The following TMEM245 variants were observed in gnomAD, a reference collection of about 807,000 sequenced individuals.
TMEM245 encodes the protein protein CG-2.
A neutral mutation model predicts 101.2 loss-of-function variants in TMEM245; 69 were observed. That is an observed-to-expected ratio of 0.68 (90% CI 0.56 to 0.83). The LOEUF is 0.83. Ranked by LOEUF, TMEM245 falls within the 40% of genes least tolerant of loss-of-function variation. The pLI, the probability that TMEM245 is intolerant of heterozygous loss-of-function variation, is 0.00. For missense variants in TMEM245, 1,075 were observed against 1,092.8 expected (o/e 0.98, Z 0.23); for synonymous variants, 537 against 449.8 (o/e 1.19, Z -2.45).
At chr9:109,086,949 T>C (rs1327006223) in intron 6 of TMEM245, among the ~76,000 whole-genome samples, 1 of 152,190 alleles carries the variant, frequency 6.6e-6, no homozygotes, top group Non-Finnish European at 1.5e-5. Context: ...AGAAAATCCA[T>C]TTCTCCCATT....
At chr9:109,055,480 T>C (rs1022095634) in intron 12 of TMEM245, among the ~76,000 whole-genome samples, 5 of 152,140 alleles carry the variant, frequency 3.3e-5, no homozygotes, top group East Asian at 1.9e-4. Flanking sequence ...AAACAAACTT[T>C]AAAGAAACTC....
intron 8 of TMEM245, among the ~76,000 whole-genome samples, chr9:109,077,556 C>A (rs986413183): frequency 1.3e-5 from 2 of 152,154 alleles, no homozygotes; most frequent in African/African-American, 4.8e-5. Context: ...TTGTTTATTT[C>A]TCCTTTTAAT....
intron 14 of TMEM245, among the ~76,000 whole-genome samples, chr9:109,048,327 T>C (rs916928544): frequency 3.3e-5 from 5 of 152,148 alleles, no homozygotes; most frequent in African/African-American, 7.2e-5. Flanking sequence ...ATGCATCCTG[T>C]TTGAATGTAA....
At chr9:109,067,657 A>C (rs950342641) in intron 9 of TMEM245, among the ~76,000 whole-genome samples, 8 of 152,172 alleles carry the variant, frequency 5.3e-5, no homozygotes, top group African/African-American at 9.7e-5. Flanking sequence ...AGTCAGGAGA[A>C]AGCAGAAAAT....
At chr9:109,102,601 A>G (rs1419691419) in intron 3 of TMEM245, among the ~76,000 whole-genome samples, 1 of 150,484 alleles carries the variant, frequency 6.6e-6, no homozygotes, top group Non-Finnish European at 1.5e-5. Context: ...CAGAATGTTC[A>G]CTGTGATCTA....
At chr9:109,045,607 T>C (rs1229011483) in intron 14 of TMEM245, among the ~76,000 whole-genome samples, 1 of 152,220 alleles carries the variant, frequency 6.6e-6, no homozygotes, top group African/African-American at 2.4e-5. Context: ...TTCAATTACA[T>C]AGGCAAATAG....
At position 109,020,395 on chromosome 9, in the gene TMEM245, A is replaced by C; in HGVS notation, c.*65T>G. 6.6e-7 allele frequency: 1 copy of C among 1,523,434 alleles called. No individual in the cohort carries two copies. 94.4% of individuals were successfully genotyped at this position (1,523,434 alleles called of 1,614,324 possible). A position where few individuals can be genotyped will look rare whatever the true frequency, so the allele number is the denominator to read the frequency against. ...GGCACAGCTGGAAGGGCAGAGGGCCACAGCTGAGCTGAACTCGCTGTCAAA... is the reference window on the plus strand; with the variant it reads ...GGCACAGCTGGAAGGGCAGAGGGCCCCAGCTGAGCTGAACTCGCTGTCAAA... On this transcript the variant is annotated 3_prime_UTR_variant, in exon 18 of 18. Coordinates refer to ENST00000374586, the MANE Select transcript of TMEM245 (RefSeq NM_032012.4).
At chr9:109,116,799 A>C (rs1268383312) in intron 1 of TMEM245, among the ~76,000 whole-genome samples, 2 of 152,096 alleles carry the variant, frequency 1.3e-5, no homozygotes, top group Admixed American at 6.5e-5. Context: ...AAGTGCTGGG[A>C]CTACAGGCGT....
intron 5 of TMEM245, among the ~76,000 whole-genome samples, chr9:109,089,056 G>A (rs1829924001): frequency 6.6e-6 from 1 of 151,872 alleles, no homozygotes; most frequent in Non-Finnish European, 1.5e-5. Flanking sequence ...TGTGAGGTTT[G>A]CTTGAGTCCA....
chr9:109,115,127 A>G (rs1399907663), intron 1 of TMEM245, among the ~76,000 whole-genome samples: 3 of 152,134 alleles, frequency 2.0e-5, no homozygotes, highest in African/African-American at 7.2e-5. Context: ...AAGGTGGATC[A>G]CCTGAGGTCA....
intron 7 of TMEM245, among the ~76,000 whole-genome samples, chr9:109,084,659 C>T (rs1378095601): frequency 2.6e-5 from 4 of 152,160 alleles, no homozygotes; most frequent in African/African-American, 4.8e-5. Flanking sequence ...GCCTGAGCAA[C>T]GGAGCAAGAC....
At chr9:109,079,341 AC>A (rs1474397260) in intron 8 of TMEM245, among the ~76,000 whole-genome samples, 1 of 151,976 alleles carries the variant, frequency 6.6e-6, no homozygotes, top group African/African-American at 2.4e-5. Flanking sequence ...CAAAACAAAA[AC>A]AGTAGTCAAA....
intron 3 of TMEM245, among the ~76,000 whole-genome samples, chr9:109,094,872 A>G (rs1030752258): frequency 6.6e-5 from 10 of 152,198 alleles, no homozygotes; most frequent in African/African-American, 2.2e-4. Flanking sequence ...TGTCACCCCA[A>G]TGAAAAGAGC....
At chr9:109,063,626 G>A (rs959401225) in intron 10 of TMEM245, among the ~76,000 whole-genome samples, 2 of 152,026 alleles carry the variant, frequency 1.3e-5, no homozygotes, top group Non-Finnish European at 1.5e-5. Flanking sequence ...GCAAAACTAG[G>A]GAGGGAAAGA....
At chr9:109,094,913 G>A (rs556703196) in intron 3 of TMEM245, among the ~76,000 whole-genome samples, 6 of 152,236 alleles carry the variant, frequency 3.9e-5, no homozygotes, top group African/African-American at 1.4e-4. Context: ...ATGAATTTCA[G>A]CTCCAAGTTA....
intron 1 of TMEM245, among the ~76,000 whole-genome samples, chr9:109,116,328 GC>G (rs977006994): frequency 2.0e-5 from 3 of 152,128 alleles, no homozygotes; most frequent in Admixed American, 6.6e-5. Context: ...TGGGCCTCCT[GC>G]CCAGTCACAT....
At chr9:109,096,034 A>T (rs903578730) in intron 3 of TMEM245, among the ~76,000 whole-genome samples, 1 of 152,232 alleles carries the variant, frequency 6.6e-6, no homozygotes, top group Non-Finnish European at 1.5e-5. Context: ...GAAGAGTCAA[A>T]GCGGACCACA....
chr9:109,058,929 A>G (rs142625436), intron 11 of TMEM245, among the ~76,000 whole-genome samples: 75 of 152,234 alleles, frequency 4.9e-4, no homozygotes, highest in African/African-American at 1.7e-3. Context: ...ATTTTGTACA[A>G]AGAACTGGAG....
At chr9:109,087,037 C>T in intron 6 of TMEM245, 136 bp downstream of exon 6, 1 of 744,634 alleles carries the variant, frequency 1.3e-6, no homozygotes, top group Non-Finnish European at 2.0e-6. Flanking sequence ...TAATTTTAAA[C>T]ATTAAACTTT....
Sources: allele counts gnomAD v4.1 joint callset (sites outside exome capture counted in the v4.1 genomes callset), GRCh38; gene constraint gnomAD v4.1.1; transcripts MANE v1.5; gene names NCBI Gene and HGNC (gene_info 2026-07-23, HGNC 2026-07-21).